The following SMARCA4 variants were observed in gnomAD, a reference collection of about 807,000 sequenced individuals.
SMARCA4 encodes SWI/SNF-related matrix-associated actin-dependent regulator of chromatin subfamily A member 4.
A neutral mutation model predicts 193.9 loss-of-function variants in SMARCA4; 31 were observed. The observed-to-expected ratio is 0.16, with a 90% CI of 0.12 to 0.22. The LOEUF (loss-of-function observed/expected upper bound fraction) is 0.22, where lower values mean the gene tolerates loss of function less well. Ranked by LOEUF, SMARCA4 falls within the 10% of genes least tolerant of loss-of-function variation. The probability of loss-of-function intolerance (pLI) is 1.00; values close to 1 mark genes in which losing one functional copy is unlikely to be tolerated. For missense variants in SMARCA4, 1,148 were observed against 2,296.0 expected, an observed-to-expected ratio of 0.50 and a Z score of 10.22; for synonymous variants, 942 against 933.1, an observed-to-expected ratio of 1.01 and a Z score of -0.17.
rs926054421 is a variant in SMARCA4, at chr19:10,987,776, C to T, written c.970C>T (p.Pro324Ser). ...APPAVPPAAS[P>S]VMPPQTQSPG... is the part of the protein sequence containing the mutation. ...CCCTGCCGTCCCACCCGCCGCCTCGCCCGTGATGCCACCGCAGACCCAGTC... is the reference window on the plus strand; with the variant it reads ...CCCTGCCGTCCCACCCGCCGCCTCGTCCGTGATGCCACCGCAGACCCAGTC... The change falls in exon 6 of 35, where the codon CCC (proline) becomes TCC (serine). Residue 324 changes from proline to serine, a missense_variant. Transcript: ENST00000344626. This position sits in a 1 kb window ranked among gnomAD's most constrained non-coding sequence, Gnocchi z 5.3. 6.3e-7 allele frequency: 1 copy of T among 1,599,358 alleles called. No individual in the cohort carries two copies. The highest frequency in any genetic ancestry group is 1.3e-5 in the African/African-American group (1 of 74,670).
chr19:11,024,857 C>G (rs1393833734), intron 21 of SMARCA4, among the ~76,000 whole-genome samples: 2 of 152,118 alleles, frequency 1.3e-5, no homozygotes, highest in African/African-American at 4.8e-5. Context: ...TGCACCAGAC[C>G]CCTTGATTCT....
At position 11,003,048 on chromosome 19, in the gene SMARCA4, A is replaced by G. The variant is rs1600132569; in HGVS notation, c.1832A>G (p.Gln611Arg). 6.2e-7 allele frequency: 1 copy of G among 1,614,146 alleles called. No individual in the cohort carries two copies. The highest frequency in any genetic ancestry group is 2.2e-5 in the East Asian group (1 of 44,882). ...PDGEPLDETS[Q>R]MSDLPVKVIH... ...TTTCAGCCTCTGGACGAGACCAGCC[A>G]GATGAGCGACCTCCCGGTGAAGGTG... Residue 611 changes from glutamine to arginine, a missense_variant, in exon 12 of 35, where the codon CAG becomes CGG. Transcript: ENST00000344626.
intron 29 of SMARCA4, among the ~76,000 whole-genome samples, chr19:11,035,841 G>A (rs1231371700): frequency 1.3e-5 from 2 of 152,278 alleles, no homozygotes; most frequent in East Asian, 1.9e-4. Flanking sequence ...CTGGGGTTAC[G>A]GTGACAGATC....
chr19:10,969,054 C>T lies in SMARCA4; in HGVS notation c.-32+7880C>T, dbSNP rs77487655. ...CCTCGGCCTGAATCAGTTACTCAGG[C>T]CCTGGAGTCAAAGAGACTTGAGGCG... On this transcript the variant is annotated intron_variant, in intron 1 of 34. Coordinates refer to ENST00000344626, the MANE Select transcript of SMARCA4 (RefSeq NM_003072.5). Among the ~76,000 whole-genome samples the T allele has an allele frequency of 3.9e-3, 589 of 152,288 alleles. 4 individuals carry two copies. The highest frequency in any genetic ancestry group is 0.013 in the African/African-American group (541 of 41,564).
At position 10,971,243 on chromosome 19, in the gene SMARCA4, C is replaced by G. The variant is rs770374256; in HGVS notation, c.-32+10069C>G. ...AGTGTGTTTTCCCACCTTCCCTGCT[C>G]CAGCCACACTGGCTGACTTGCTGTG... On this transcript the variant is annotated intron_variant, in intron 1 of 34. Transcript: ENST00000344626. 2.4e-4 allele frequency among the ~76,000 whole-genome samples: 36 copies of G among 152,096 alleles called. 1 individual carries two copies. The highest frequency in any genetic ancestry group is 7.2e-5 in the African/African-American group (3 of 41,432).
chr19:11,039,310 C>CAT, intron 29 of SMARCA4: 1 of 496,948 alleles, frequency 2.0e-6, no homozygotes, highest in East Asian at 3.7e-5. Context: ...GCCAAGATCG[C>CAT]ACCACTGCAC....
Position 11,060,161 on chromosome 19 carries a change from G to A in SMARCA4, c.4885G>A (p.Asp1629Asn), listed in dbSNP as rs374648988. ...GSRAKPVVSD[D>N]DSEEEQEEDR... ...CCGAGCCAAGCCGGTCGTGAGTGAC[G>A]ATGACAGTGAGGAGGAACAAGAGGA... The change falls in exon 34 of 35, where the codon GAT becomes AAT. Residue 1629 changes from aspartate to asparagine, a missense_variant. Asp to Asn is a conservative substitution (Grantham distance 23, BLOSUM62 1). Transcript: ENST00000344626. 79 of 1,551,054 alleles carry A rather than the reference G, an allele frequency of 5.1e-5. No homozygotes were observed. Among genetic ancestry groups the A allele is most frequent in the Non-Finnish European group, 6.5e-5 (75 of 1,146,708 alleles).
rs113532601 is a variant in SMARCA4, at chr19:11,032,707, G to A, written c.3547-583G>A. The stretch of plus-strand genomic sequence containing the variant: ...GAAAAAAAGCCCATCCACGGCACCT[G>A]CATTGTTGGGAGCTAACTGCACCAG... On this transcript the variant is annotated intron_variant, in intron 25 of 34. Coordinates refer to ENST00000344626, the MANE Select transcript of SMARCA4 (RefSeq NM_003072.5). The A allele has an allele frequency of 2.8e-3, 450 of 159,466 alleles. 3 individuals carry two copies. Among genetic ancestry groups the A allele is most frequent in the African/African-American group, 0.01 (433 of 41,590 alleles). 9.9% of individuals were successfully genotyped at this position (159,466 alleles called of 1,614,324 possible).
At chr19:11,037,803 A>G (rs2075355246) in intron 29 of SMARCA4, among the ~76,000 whole-genome samples, 1 of 152,200 alleles carries the variant, frequency 6.6e-6, no homozygotes, top group Non-Finnish European at 1.5e-5. Context: ...GTTAAATTTT[A>G]TACATGATGT....
At chr19:11,005,685 C>T (rs976054337) in intron 13 of SMARCA4, among the ~76,000 whole-genome samples, 1 of 152,202 alleles carries the variant, frequency 6.6e-6, no homozygotes, top group Non-Finnish European at 1.5e-5. Context: ...CCTTCCACCT[C>T]CCTGCCAAGC....
At position 11,060,110 on chromosome 19, in the gene SMARCA4, G is replaced by T. The variant is rs372319442; in HGVS notation, c.4834G>T (p.Gly1612Cys). ...GAAGGCACAGGACCGGCTGAAGGGCGGCCGGCGGCGGCCGAGCCGAGGGTC... is the reference window on the plus strand; with the variant it reads ...GAAGGCACAGGACCGGCTGAAGGGCTGCCGGCGGCGGCCGAGCCGAGGGTC... ...KEKAQDRLKG[G>C]RRRPSRGSRA... Residue 1612 changes from glycine (G) to cysteine (C), a missense_variant, in exon 34 of 35, where the codon GGC becomes TGC. Gly to Cys is a radical substitution (Grantham distance 159). Around this residue, in one of 17 missense-constraint regions of SMARCA4, gnomAD observed 105 missense variants for 133.7 expected, o/e 0.79. Coordinates refer to ENST00000344626, the MANE Select transcript of SMARCA4 (RefSeq NM_003072.5). 2 of 1,551,074 alleles carry T rather than the reference G, an allele frequency of 1.3e-6. No individual in the cohort carries two copies. The highest frequency in any genetic ancestry group is 2.4e-5 in the South Asian group (2 of 84,066).
intron 1 of SMARCA4, among the ~76,000 whole-genome samples, chr19:10,973,897 G>A (rs1056400408): frequency 6.6e-6 from 1 of 152,102 alleles, no homozygotes; most frequent in African/African-American, 2.4e-5. Context: ...ACCACCGAGG[G>A]GAACATTTTG....
Position 11,003,206 on chromosome 19 carries a change from G to C in SMARCA4, c.1943+47G>C, listed in dbSNP as rs201215321. Reference sequence around the variant, plus strand: ...AGATGCAGTGGGGATCCAAGTCCTCGGTGGGCCTTGTTCCAGGGAGGTGGC... The same window carrying C: ...AGATGCAGTGGGGATCCAAGTCCTCCGTGGGCCTTGTTCCAGGGAGGTGGC... On this transcript the variant is annotated intron_variant, in intron 12 of 34. Transcript: ENST00000344626. 2,969 of 1,613,118 alleles carry C rather than the reference G, an allele frequency of 1.8e-3. 4 individuals carry two copies. Among genetic ancestry groups the C allele is most frequent in the Non-Finnish European group, 2.3e-3 (2,719 of 1,179,242 alleles).
rs889889906 is a variant in SMARCA4 at position 10,984,793 on chromosome 19, G to A, written c.222+420G>A. On this transcript the variant is annotated intron_variant, in intron 2 of 34. Coordinates refer to ENST00000344626, the MANE Select transcript of SMARCA4 (RefSeq NM_003072.5). This position sits in a 1 kb window ranked among gnomAD's most constrained non-coding sequence, Gnocchi z 4.3. ...CAGCGGGTTCCCTTTCCTCCAAGGC[G>A]TGCCCCTCAGCCACTGTCTTTACCT... is the stretch of plus-strand genomic sequence containing the variant. Among the ~76,000 whole-genome samples the A allele has an allele frequency of 3.3e-5, 5 of 152,320 alleles. No individual in the cohort carries two copies. The highest frequency in any genetic ancestry group is 1.2e-4 in the African/African-American group (5 of 41,584).
intron 1 of SMARCA4, among the ~76,000 whole-genome samples, chr19:10,963,380 AAAAAAAAAAAAGAAAAAG>A (rs2083958423): frequency 6.6e-6 from 1 of 151,260 alleles, no homozygotes; most frequent in Non-Finnish European, 1.5e-5. Flanking sequence ...CAAAAAAAAA[AAAAAAAAAAAAGAAAAAG>A]AAAGCTTGGT....
At chr19:11,042,405 G>A (rs1298002832) in intron 30 of SMARCA4, among the ~76,000 whole-genome samples, 1 of 152,246 alleles carries the variant, frequency 6.6e-6, no homozygotes. Flanking sequence ...AGCCAGCAAA[G>A]GTGTAAGGCC....
At chr19:11,013,900 C>A (rs1386525619) in intron 16 of SMARCA4, among the ~76,000 whole-genome samples, 1 of 152,122 alleles carries the variant, frequency 6.6e-6, no homozygotes, top group East Asian at 1.9e-4. Flanking sequence ...CTTTTTCTCC[C>A]TGCAAACAGA....
At chr19:10,973,866 G>A (rs905116340) in intron 1 of SMARCA4, among the ~76,000 whole-genome samples, 4 of 152,072 alleles carry the variant, frequency 2.6e-5, no homozygotes, top group Non-Finnish European at 5.9e-5. Flanking sequence ...CACCGCGCCC[G>A]GCCTGGAGGT....
At chr19:11,045,640 C>T (rs933937669) in intron 30 of SMARCA4, among the ~76,000 whole-genome samples, 34 of 151,562 alleles carry the variant, frequency 2.2e-4, no homozygotes, top group African/African-American at 7.3e-4. Flanking sequence ...AGTGTTAGTC[C>T]ACTTTTTTTT....
Sources: gnomAD v4.1 joint callset for allele counts (sites outside exome capture counted in the v4.1 genomes callset) on GRCh38, gnomAD v4.1.1 for gene constraint, gnomAD v4.1.1 regional missense constraint, Gnocchi (gnomAD v3.1) non-coding constraint, MANE v1.5 for transcripts, NCBI Gene and HGNC (gene_info 2026-07-23, HGNC 2026-07-21) for gene names.